INSYN2B: variants seen among roughly 807,000 people sequenced by gnomAD.
The protein encoded by INSYN2B is inhibitory synaptic factor family member 2B, also known as protein INSYN2B.
In INSYN2B, 16 loss-of-function variants were observed where a neutral mutation model predicts 41.2. The ratio of observed to expected loss-of-function variants is 0.39; its 90% CI spans 0.26 to 0.59. INSYN2B has a LOEUF of 0.59. Among genes scored for constraint, INSYN2B ranks in the 20% least tolerant of loss-of-function variants. The probability of loss-of-function intolerance (pLI) is 0.57; values close to 1 mark genes in which losing one functional copy is unlikely to be tolerated. For missense variants in INSYN2B, 608 were observed against 646.4 expected, an observed-to-expected ratio of 0.94 and a Z score of 0.64; for synonymous variants, 245 against 244.4, an observed-to-expected ratio of 1.00 and a Z score of -0.02.
intron 1 of INSYN2B, among the ~76,000 whole-genome samples, chr5:169,951,514 T>A (rs970471826): frequency 3.3e-4 from 51 of 152,302 alleles, no homozygotes; most frequent in Middle Eastern, 3.4e-3. Flanking sequence ...CCTGCTCCAT[T>A]CTGGAGGTTC....
At chr5:169,867,954 T>C (rs1200956733) in intron 3 of INSYN2B, among the ~76,000 whole-genome samples, 3 of 152,310 alleles carry the variant, frequency 2.0e-5, no homozygotes, top group Middle Eastern at 6.8e-3. Context: ...GGAACACACA[T>C]AGTTCACAGA....
chr5:169,901,799 G>A (rs1273546565), intron 1 of INSYN2B, among the ~76,000 whole-genome samples: 3 of 152,204 alleles, frequency 2.0e-5, no homozygotes, highest in African/African-American at 7.2e-5. Flanking sequence ...GCCAAATGGA[G>A]GGGTTTTCTG....
intron 1 of INSYN2B, among the ~76,000 whole-genome samples, chr5:169,926,038 G>A (rs1224121162): frequency 6.6e-6 from 1 of 152,162 alleles, no homozygotes; most frequent in Non-Finnish European, 1.5e-5. Flanking sequence ...GCTCTGGTTA[G>A]TCTCTGAGTC....
At chr5:169,956,866 A>C (rs1374445442) in intron 1 of INSYN2B, among the ~76,000 whole-genome samples, 2 of 152,160 alleles carry the variant, frequency 1.3e-5, no homozygotes, top group Non-Finnish European at 2.9e-5. Context: ...CATCAAATAT[A>C]AGGAAAATGT....
chr5:169,892,111 G>A (rs1480726017), intron 1 of INSYN2B, among the ~76,000 whole-genome samples: 1 of 152,100 alleles, frequency 6.6e-6, no homozygotes, highest in African/African-American at 2.4e-5. Flanking sequence ...TCCTTTAGCG[G>A]TAAAATCAGC....
chr5:169,902,731 G>C (rs968520987), intron 1 of INSYN2B, among the ~76,000 whole-genome samples: 1 of 152,172 alleles, frequency 6.6e-6, no homozygotes, highest in African/African-American at 2.4e-5. Context: ...TGCAGAAAAT[G>C]GGTTGGGTAC....
At chr5:169,961,786 T>C (rs2113746275) in intron 1 of INSYN2B, among the ~76,000 whole-genome samples, 1 of 152,000 alleles carries the variant, frequency 6.6e-6, no homozygotes, top group East Asian at 1.9e-4. Context: ...AAGACCAGCC[T>C]GGCCAACATG....
intron 1 of INSYN2B, among the ~76,000 whole-genome samples, chr5:169,898,528 AAACAAC>A (rs36216194): frequency 0.042 from 6,286 of 151,214 alleles, 201 homozygotes; most frequent in African/African-American, 0.086. Context: ...CACACACACA[AAACAAC>A]AACAACAACA....
intron 1 of INSYN2B, among the ~76,000 whole-genome samples, chr5:169,969,310 T>C (rs1777413707): frequency 6.6e-6 from 1 of 152,142 alleles, no homozygotes. Context: ...CTGGGTGTGG[T>C]GTGGGGCACT....
chr5:169,938,570 T>C (rs993129199), intron 1 of INSYN2B, among the ~76,000 whole-genome samples: 2 of 152,352 alleles, frequency 1.3e-5, no homozygotes, highest in East Asian at 3.9e-4. Flanking sequence ...ATGGTCCACC[T>C]GTACAGGACA....
chr5:169,898,533 AC>A (rs1237420382), intron 1 of INSYN2B, among the ~76,000 whole-genome samples: 1 of 86,416 alleles, frequency 1.2e-5, no homozygotes, highest in African/African-American at 1.5e-4. Context: ...ACACAAAACA[AC>A]AACAACAACA....
At chr5:169,876,710 C>G (rs1050866449) in intron 3 of INSYN2B, among the ~76,000 whole-genome samples, 1 of 152,238 alleles carries the variant, frequency 6.6e-6, no homozygotes, top group African/African-American at 2.4e-5. Context: ...GAACCAGTTA[C>G]ATAGAAGCCC....
chr5:169,870,324 A>G (rs1450774504), intron 3 of INSYN2B, among the ~76,000 whole-genome samples: 2 of 152,130 alleles, frequency 1.3e-5, no homozygotes, highest in Non-Finnish European at 1.5e-5. Flanking sequence ...TTTTCTAGGT[A>G]ATTGGAAGCA....
At chr5:169,888,092 C>T (rs1258266370) in intron 1 of INSYN2B, among the ~76,000 whole-genome samples, 3 of 152,174 alleles carry the variant, frequency 2.0e-5, no homozygotes, top group Non-Finnish European at 2.9e-5. Context: ...TGGAAACTCT[C>T]GTATTTTTAG....
chr5:169,864,550 A>G (rs1367257237), intron 3 of INSYN2B, 91 bp from the exon 4 acceptor site: 1 of 1,054,810 alleles, frequency 9.5e-7, no homozygotes, highest in Non-Finnish European at 1.3e-6. Flanking sequence ...ATGGAAGAGC[A>G]TGAGCTTTGG....
intron 1 of INSYN2B, among the ~76,000 whole-genome samples, chr5:169,910,990 A>G (rs1581402939): frequency 6.6e-6 from 1 of 151,978 alleles, no homozygotes; most frequent in Non-Finnish European, 1.5e-5. Flanking sequence ...AATAAGTGAA[A>G]CCCTCAGGTG....
intron 1 of INSYN2B, among the ~76,000 whole-genome samples, chr5:169,977,115 A>T (rs918415290): frequency 1.5e-4 from 23 of 152,258 alleles, no homozygotes; most frequent in African/African-American, 5.3e-4. Flanking sequence ...AGGCTTCTGA[A>T]CAATTTGGAC....
chr5:169,915,557 A>AACACAC lies in INSYN2B; in HGVS notation c.-918-30747_-918-30742dup, dbSNP rs56728646. Among the ~76,000 whole-genome samples, 718 of 143,480 alleles carry AACACAC rather than the reference A, an allele frequency of 5.0e-3. 7 individuals are homozygous for AACACAC. The highest frequency in any genetic ancestry group is 0.013 in the Admixed American group (189 of 14,288). The allele number at this position is 143,480 out of a possible 152,430, so 94.1% of individuals were successfully genotyped here. The stretch of plus-strand genomic sequence containing the variant: ...GAAAATATTTGAGGAATTGACAGGG[A>AACACAC]ACACACACACACACACACACACACA... On this transcript the variant is annotated intron_variant, in intron 1 of 3. Coordinates refer to ENST00000377365, the MANE Select transcript of INSYN2B (RefSeq NM_001129891.3).
At chr5:169,978,798 C>T (rs1473778133) in intron 1 of INSYN2B, among the ~76,000 whole-genome samples, 1 of 152,060 alleles carries the variant, frequency 6.6e-6, no homozygotes, top group Non-Finnish European at 1.5e-5. Flanking sequence ...TTAAGTAGTC[C>T]CTCATCAGCC....
Sources: gnomAD v4.1 joint callset for allele counts (sites outside exome capture counted in the v4.1 genomes callset) on GRCh38, gnomAD v4.1.1 for gene constraint, MANE v1.5 for transcripts, NCBI Gene and HGNC (gene_info 2026-07-23, HGNC 2026-07-21) for gene names.